ZNF804A: variants seen among roughly 807,000 people sequenced by gnomAD.
The protein encoded by ZNF804A is zinc finger protein 804A.
A neutral mutation model predicts 16.5 loss-of-function variants in ZNF804A; 2 were observed. That is an observed-to-expected ratio of 0.12 (90% CI 0.05 to 0.38). The LOEUF (loss-of-function observed/expected upper bound fraction) is 0.38, where lower values mean the gene tolerates loss of function less well. ZNF804A is among the 10% of genes least tolerant of loss of function. The pLI is 0.99. For synonymous variants in ZNF804A, 534 were observed against 489.6 expected (o/e 1.09, Z -1.20); for missense variants, 1,473 against 1,390.7 (o/e 1.06, Z -0.94).
chr2:184,776,749 G>A (rs1322174072), intron 1 of ZNF804A, among the ~76,000 whole-genome samples: 2 of 151,400 alleles, frequency 1.3e-5, no homozygotes, highest in African/African-American at 4.8e-5. Flanking sequence ...TAGTACCCCA[G>A]GGATTAGAGT....
chr2:184,682,736 G>T (rs76397194), intron 1 of ZNF804A, among the ~76,000 whole-genome samples: 2,395 of 152,240 alleles, frequency 0.016, 54 homozygotes, highest in African/African-American at 0.052. Flanking sequence ...TTCCACCCCC[G>T]GTAAGTTAGA....
At chr2:184,626,955 A>G (rs1691516382) in intron 1 of ZNF804A, among the ~76,000 whole-genome samples, 1 of 152,174 alleles carries the variant, frequency 6.6e-6, no homozygotes, top group African/African-American at 2.4e-5. Context: ...CACTAAAATT[A>G]ATTGCATACT....
chr2:184,764,599 A>G (rs1694088050), intron 1 of ZNF804A, among the ~76,000 whole-genome samples: 1 of 152,144 alleles, frequency 6.6e-6, no homozygotes. Flanking sequence ...CAGGTATATG[A>G]TTCCCTTCCC....
intron 1 of ZNF804A, among the ~76,000 whole-genome samples, chr2:184,816,227 T>A (rs926713596): frequency 6.6e-6 from 1 of 152,046 alleles, no homozygotes; most frequent in Non-Finnish European, 1.5e-5. Flanking sequence ...TAGGCAGCAA[T>A]GGCGCCTAAT....
intron 1 of ZNF804A, among the ~76,000 whole-genome samples, chr2:184,641,637 G>A (rs903856766): frequency 2.0e-5 from 3 of 152,068 alleles, no homozygotes; most frequent in Admixed American, 1.3e-4. Flanking sequence ...ATATATCATT[G>A]CACAAAATAG....
At chr2:184,897,470 T>C (rs187652813) in intron 2 of ZNF804A, among the ~76,000 whole-genome samples, 4 of 151,730 alleles carry the variant, frequency 2.6e-5, no homozygotes, top group South Asian at 4.2e-4. Flanking sequence ...CCATACAGCA[T>C]TTTTTTTCCT....
At chr2:184,627,584 G>A (rs1691526095) in intron 1 of ZNF804A, among the ~76,000 whole-genome samples, 1 of 152,092 alleles carries the variant, frequency 6.6e-6, no homozygotes, top group Admixed American at 6.6e-5. Flanking sequence ...ATTATTATTA[G>A]CTTGACATTT....
chr2:184,828,902 CTG>C (rs1695216550), intron 1 of ZNF804A, among the ~76,000 whole-genome samples: 1 of 151,784 alleles, frequency 6.6e-6, no homozygotes, highest in Non-Finnish European at 1.5e-5. Flanking sequence ...GAAAATGAGA[CTG>C]AAATGAATTT....
chr2:184,677,013 A>C (rs1479324882), intron 1 of ZNF804A, among the ~76,000 whole-genome samples: 1 of 151,896 alleles, frequency 6.6e-6, no homozygotes, highest in African/African-American at 2.4e-5. Context: ...ATTTGGAGTT[A>C]AAAACATTGA....
chr2:184,607,363 G>A (rs572914449), intron 1 of ZNF804A, among the ~76,000 whole-genome samples: 1 of 152,176 alleles, frequency 6.6e-6, no homozygotes, highest in Non-Finnish European at 1.5e-5. Context: ...CTGCATATCT[G>A]AGGAGGCCTC....
chr2:184,709,265 GA>G (rs1693085283), intron 1 of ZNF804A, among the ~76,000 whole-genome samples: 1 of 152,032 alleles, frequency 6.6e-6, no homozygotes, highest in African/African-American at 2.4e-5. Context: ...TTTATCTAAA[GA>G]AACAAGTTGC....
chr2:184,616,520 T>A (rs1691323178), intron 1 of ZNF804A, among the ~76,000 whole-genome samples: 1 of 152,188 alleles, frequency 6.6e-6, no homozygotes, highest in South Asian at 2.1e-4. Context: ...ATTATTTCCA[T>A]CTTATAGAAG....
chr2:184,922,731 T>C (rs1382758532), intron 2 of ZNF804A, among the ~76,000 whole-genome samples: 3 of 151,886 alleles, frequency 2.0e-5, no homozygotes, highest in Admixed American at 6.6e-5. Context: ...TTTGGTGGGA[T>C]TTTTGCATAT....
chr2:184,647,535 A>T (rs1691901315), intron 1 of ZNF804A, among the ~76,000 whole-genome samples: 1 of 152,228 alleles, frequency 6.6e-6, no homozygotes, highest in Non-Finnish European at 1.5e-5. Context: ...GATAAACATT[A>T]TAAAAATAAA....
At chr2:184,836,261 T>A (rs961462678) in intron 1 of ZNF804A, among the ~76,000 whole-genome samples, 5 of 152,140 alleles carry the variant, frequency 3.3e-5, no homozygotes, top group African/African-American at 1.2e-4. Flanking sequence ...CAGGGCCTGT[T>A]CTTTGTTTGC....
chr2:184,694,107 C>CT (rs77462641), intron 1 of ZNF804A, among the ~76,000 whole-genome samples: 8,349 of 142,070 alleles, frequency 0.059, 273 homozygotes, highest in Middle Eastern at 0.08. Context: ...TTTATTTTTA[C>CT]TTTTTTTTTT....
chr2:184,935,684 G>GA lies in ZNF804A; in HGVS notation c.387-93dup, dbSNP rs1685772560. On this transcript the variant is annotated intron_variant, in intron 3 of 3. Coordinates refer to ENST00000302277, the MANE Select transcript of ZNF804A (RefSeq NM_194250.2). Reference sequence around the variant, plus strand: ...TTCTGTCACAAAGATTTTAAAATTTGAAAAAATATTATAATGACTTTTTAA... The same window carrying GA: ...TTCTGTCACAAAGATTTTAAAATTTGAAAAAAATATTATAATGACTTTTTAA... 6 of 1,372,190 alleles carry GA rather than the reference G, an allele frequency of 4.4e-6. No individual in the cohort carries two copies. In the South Asian group the frequency reaches 9.9e-5, roughly 23 times the overall value. 85.0% of individuals were successfully genotyped at this position (1,372,190 alleles called of 1,614,324 possible).
intron 1 of ZNF804A, among the ~76,000 whole-genome samples, chr2:184,692,481 A>G (rs1387460501): frequency 1.3e-5 from 2 of 152,226 alleles, no homozygotes; most frequent in East Asian, 3.8e-4. Context: ...AGTGCATTAA[A>G]AATAATAAGC....
At position 184,834,822 on chromosome 2, in the gene ZNF804A, G is replaced by A. The variant is rs151064577; in HGVS notation, c.112-31547G>A. Among the ~76,000 whole-genome samples, 360 of 152,166 alleles carry A rather than the reference G, an allele frequency of 2.4e-3. 1 individual carries two copies. The highest frequency in any genetic ancestry group is 0.01 in the Middle Eastern group (3 of 294). ...TTCAATTTCTCTGCATGTCAGTCTGGATGTCTCAGCTTTGAAGCCCTGACT... is the reference window on the plus strand; with the variant it reads ...TTCAATTTCTCTGCATGTCAGTCTGAATGTCTCAGCTTTGAAGCCCTGACT... On this transcript the variant is annotated intron_variant, in intron 1 of 3. Transcript: ENST00000302277.
Sources: allele counts gnomAD v4.1 joint callset (sites outside exome capture counted in the v4.1 genomes callset), GRCh38; gene constraint gnomAD v4.1.1; transcripts MANE v1.5; gene names NCBI Gene and HGNC (gene_info 2026-07-23, HGNC 2026-07-21).